The following TYROBP variants were observed in gnomAD, a reference collection of about 807,000 sequenced individuals.
TYROBP encodes the protein transmembrane immune signaling adaptor TYROBP.
A neutral mutation model predicts 17.1 loss-of-function variants in TYROBP; 14 were observed. That is an observed-to-expected ratio of 0.82 (90% CI 0.54 to 1.28). The LOEUF (loss-of-function observed/expected upper bound fraction) is 1.28, where lower values mean the gene tolerates loss of function less well. Among genes scored for constraint, TYROBP ranks in the 50% most tolerant of loss-of-function variants. The pLI is 0.00. For synonymous variants in TYROBP, 73 were observed against 67.4 expected (o/e 1.08, Z -0.41); for missense variants, 161 against 151.4 (o/e 1.06, Z -0.33).
In TYROBP at chr19:35,904,523, A is replaced by G; in HGVS notation, c.*46T>C. On this transcript the variant is annotated 3_prime_UTR_variant, in exon 5 of 5. Transcript: ENST00000262629. ...AATGAGGTGCAGGGTGGGCTTCAGG[A>G]ATGGCTGGATCCAGGTATCATGTTG... is the stretch of plus-strand genomic sequence containing the variant. 1 of 1,598,864 alleles carries G rather than the reference A, an allele frequency of 6.3e-7. No homozygotes were observed. Among genetic ancestry groups the G allele is most frequent in the Non-Finnish European group, 8.6e-7 (1 of 1,168,766 alleles).
At chr19:35,907,403 AT>A in intron 3 of TYROBP, 42 bp downstream of exon 3, 1 of 984,262 alleles carries the variant, frequency 1.0e-6, no homozygotes, top group Non-Finnish European at 1.6e-6. Flanking sequence ...CCCCACCCCC[AT>A]CTAGGCAAGT....
rs1167496461 is a variant in TYROBP, at chr19:35,907,739, C to T, written c.85G>A (p.Ala29Thr). ...CTGGGTCTAGGCCTACCGCTCTGGGCCTGGGCCTGGACAGGACGGAGACCT... is the reference window on the plus strand; with the variant it reads ...CTGGGTCTAGGCCTACCGCTCTGGGTCTGGGCCTGGACAGGACGGAGACCT... The part of the protein sequence containing the change: ...VSGLRPVQAQ[A>T]QSDCSCSTVS... The change falls in exon 2 of 5, where the codon GCC (alanine) becomes ACC (threonine). Residue 29 changes from alanine (A) to threonine (T), a missense_variant. Ala to Thr is a moderately conservative substitution (Grantham distance 58). Transcript: ENST00000262629. 1.2e-6 allele frequency: 2 copies of T among 1,613,836 alleles called. No homozygotes were observed. Among genetic ancestry groups the T allele is most frequent in the Non-Finnish European group, 1.7e-6 (2 of 1,180,004 alleles).
Position 35,904,466 on chromosome 19 carries a change from A to G in TYROBP, c.*103T>C, listed in dbSNP as rs777094340. The G allele has an allele frequency of 4.9e-6, 6 of 1,217,662 alleles. No individual in the cohort carries two copies. Among genetic ancestry groups the G allele is most frequent in the Non-Finnish European group, 7.2e-6 (6 of 839,068 alleles). 75.4% of individuals were successfully genotyped at this position (1,217,662 alleles called of 1,614,324 possible). A position where few individuals can be genotyped will look rare whatever the true frequency, so the allele number is the denominator to read the frequency against. On this transcript the variant is annotated 3_prime_UTR_variant, in exon 5 of 5. Coordinates refer to ENST00000262629, the MANE Select transcript of TYROBP (RefSeq NM_003332.4). ...AGCGGTCTGGTCTCTCAGGGATGGCACTCTGTGGGTCTGTATCGCGGTAGG... is the reference window on the plus strand; with the variant it reads ...AGCGGTCTGGTCTCTCAGGGATGGCGCTCTGTGGGTCTGTATCGCGGTAGG...
At chr19:35,907,157 T>C in intron 4 of TYROBP, 61 bp downstream of exon 4, 1 of 1,501,394 alleles carries the variant, frequency 6.7e-7, no homozygotes. Context: ...CATGAAGGAG[T>C]ATCTGGGGCA....
chr19:35,906,023 G>A (rs1247625880), intron 4 of TYROBP, among the ~76,000 whole-genome samples: 1 of 151,474 alleles, frequency 6.6e-6, no homozygotes, highest in Non-Finnish European at 1.5e-5. Context: ...ATGGTTGCTT[G>A]AGCCTGTAAT....
At chr19:35,906,649 A>G (rs1975730848) in intron 4 of TYROBP, among the ~76,000 whole-genome samples, 1 of 151,606 alleles carries the variant, frequency 6.6e-6, no homozygotes, top group African/African-American at 2.4e-5. Context: ...CTTCCAGAAA[A>G]TTCCTGGCCT....
Position 35,907,756 on chromosome 19 carries a change from C to G in TYROBP, c.68G>C (p.Arg23Pro). Reference sequence around the variant, plus strand: ...GCTCTGGGCCTGGGCCTGGACAGGACGGAGACCTGAGGAGGAAAAAGAAGG... The same window carrying G: ...GCTCTGGGCCTGGGCCTGGACAGGAGGGAGACCTGAGGAGGAAAAAGAAGG... ...LPLLLAVSGL[R>P]PVQAQAQSDC... Residue 23 changes from arginine to proline, a missense_variant, in exon 2 of 5, where the codon CGT becomes CCT. Coordinates refer to ENST00000262629, the MANE Select transcript of TYROBP (RefSeq NM_003332.4). 1.2e-6 allele frequency: 2 copies of G among 1,613,390 alleles called. No homozygotes were observed. Among genetic ancestry groups the G allele is most frequent in the Non-Finnish European group, 1.7e-6 (2 of 1,179,926 alleles).
At position 35,907,284 on chromosome 19, in the gene TYROBP, T is replaced by C; in HGVS notation, c.230-20A>G. 6.2e-7 allele frequency: 1 copy of C among 1,612,240 alleles called. No homozygotes were observed. The highest frequency in any genetic ancestry group is 8.5e-7 in the Non-Finnish European group (1 of 1,179,318). The stretch of plus-strand genomic sequence containing the variant: ...TCGCTGCTGGAGGTGAGGGGTGTTG[T>C]GGGGTGCAGAGACAGGCAGAGTGGT... On this transcript the variant is annotated intron_variant, in intron 3 of 4. Transcript: ENST00000262629.
At chr19:35,906,963 C>A (rs1265589022) in intron 4 of TYROBP, among the ~76,000 whole-genome samples, 1 of 152,120 alleles carries the variant, frequency 6.6e-6, no homozygotes, top group Non-Finnish European at 1.5e-5. Flanking sequence ...GTGATCCACC[C>A]GCCTCTGTCT....
Position 35,907,220 on chromosome 19 carries a change from G to C in TYROBP, c.274C>G (p.Gln92Glu), listed in dbSNP as rs1186508645. Reference sequence around the variant, plus strand: ...GGAGGACAGTCTGGTTTTCTCACCTGATAAGGCGACTCGGTCTCAGTGATA... The same window carrying C: ...GGAGGACAGTCTGGTTTTCTCACCTCATAAGGCGACTCGGTCTCAGTGATA... The part of the protein sequence containing the change: ...QRITETESPY[Q>E]ELQGQRSDVY... Residue 92 changes from glutamine (Q) to glutamate (E), a missense_variant and splice_region_variant, in exon 4 of 5, where the codon CAG becomes GAG. By Grantham distance (29) the Gln-to-Glu change is conservative (BLOSUM62 2). Coordinates refer to ENST00000262629, the MANE Select transcript of TYROBP (RefSeq NM_003332.4). 4 of 1,601,808 alleles carry C rather than the reference G, an allele frequency of 2.5e-6. No homozygotes were observed. Among genetic ancestry groups the C allele is most frequent in the Non-Finnish European group, 3.4e-6 (4 of 1,174,724 alleles).
chr19:35,907,975 C>A (rs1975771633), intron 1 of TYROBP, among the ~76,000 whole-genome samples, 193 bp downstream of exon 1: 1 of 152,130 alleles, frequency 6.6e-6, no homozygotes, highest in African/African-American at 2.4e-5. Context: ...TTAGATGTCT[C>A]TTCTCCCCTG....
At chr19:35,905,895 G>A (rs551034672) in intron 4 of TYROBP, among the ~76,000 whole-genome samples, 5 of 150,214 alleles carry the variant, frequency 3.3e-5, no homozygotes, top group African/African-American at 1.2e-4. Context: ...GGAGGTTGCA[G>A]TGAGCTGAGA....
intron 3 of TYROBP, 82 bp downstream of exon 3, chr19:35,907,364 A>T (rs1469863761): frequency 1.2e-5 from 19 of 1,606,610 alleles, no homozygotes; most frequent in Non-Finnish European, 1.5e-5. Flanking sequence ...ATCCCTTTGG[A>T]TGTTTGAGAT....
At chr19:35,907,897 G>A (rs1363491530) in intron 1 of TYROBP, 135 bp from the exon 2 acceptor site, 2 of 941,254 alleles carry the variant, frequency 2.1e-6, no homozygotes, top group Admixed American at 4.0e-5. Context: ...GCGGGACTCA[G>A]GGGGCTGGCG....
Position 35,907,228 on chromosome 19 carries a change from G to A in TYROBP, c.266C>T (p.Ser89Leu), listed in dbSNP as rs557854792. ...TRKQRITETE[S>L]PYQELQGQRS... ...GTCTGGTTTTCTCACCTGATAAGGCGACTCGGTCTCAGTGATACGCTGTTT... is the reference window on the plus strand; with the variant it reads ...GTCTGGTTTTCTCACCTGATAAGGCAACTCGGTCTCAGTGATACGCTGTTT... The change falls in exon 4 of 5, where the codon TCG becomes TTG. Residue 89 changes from serine (S) to leucine (L), a missense_variant. Coordinates refer to ENST00000262629, the MANE Select transcript of TYROBP (RefSeq NM_003332.4). 12 of 1,604,744 alleles carry A rather than the reference G, an allele frequency of 7.5e-6. No individual in the cohort carries two copies. Among genetic ancestry groups the A allele is most frequent in the African/African-American group, 2.7e-5 (2 of 74,992 alleles).
chr19:35,907,387 C>A lies in TYROBP; in HGVS notation c.229+59G>T, dbSNP rs767157247. ...GGATGTTTGAGATCTGGGAGTTTAC[C>A]CAGCCCCCCACCCCCATCTAGGCAA... On this transcript the variant is annotated intron_variant, in intron 3 of 4. Transcript: ENST00000262629. 12 of 1,566,714 alleles carry A rather than the reference C, an allele frequency of 7.7e-6. No homozygotes were observed. The Admixed American group carries it at 2.0e-4, about 26-fold the overall frequency.
intron 3 of TYROBP, 44 bp downstream of exon 3, chr19:35,907,402 C>CCACAA: frequency 1.2e-6 from 2 of 1,602,212 alleles, no homozygotes; most frequent in Non-Finnish European, 1.7e-6. Context: ...CCCCCACCCC[C>CCACAA]ATCTAGGCAA....
intron 1 of TYROBP, 47 bp from the exon 2 acceptor site, chr19:35,907,809 G>C: frequency 6.2e-7 from 1 of 1,604,170 alleles, no homozygotes; most frequent in Non-Finnish European, 8.5e-7. Flanking sequence ...TTATGACGGG[G>C]GTGGGGGAGG....
Position 35,908,160 on chromosome 19 carries a change from T to TAA in TYROBP, c.61+6_61+7dup. Reference sequence around the variant, plus strand: ...CCCGGGAGGCAGCCACGGAAGCCCCTAACTCACCACTTACAGCCAGCAGGA... The same window carrying TAA: ...CCCGGGAGGCAGCCACGGAAGCCCCTAAAACTCACCACTTACAGCCAGCAGGA... On this transcript the variant is annotated splice_region_variant and intron_variant, in intron 1 of 4. Coordinates refer to ENST00000262629, the MANE Select transcript of TYROBP (RefSeq NM_003332.4). The TAA allele has an allele frequency of 6.2e-7, 1 of 1,613,526 alleles. No homozygotes were observed. The highest frequency in any genetic ancestry group is 8.5e-7 in the Non-Finnish European group (1 of 1,179,728).
Sources: allele counts gnomAD v4.1 joint callset (sites outside exome capture counted in the v4.1 genomes callset), GRCh38; gene constraint gnomAD v4.1.1; transcripts MANE v1.5; gene names NCBI Gene and HGNC (gene_info 2026-07-23, HGNC 2026-07-21).